KCNIP4: variants seen among roughly 807,000 people sequenced by gnomAD.
KCNIP4 encodes Kv channel-interacting protein 4.
A neutral mutation model predicts 34.0 loss-of-function variants in KCNIP4; 12 were observed. The ratio of observed to expected loss-of-function variants is 0.35; its 90% CI spans 0.23 to 0.57. The LOEUF (loss-of-function observed/expected upper bound fraction) is 0.57, where lower values mean the gene tolerates loss of function less well. Among genes scored for constraint, KCNIP4 ranks in the 20% least tolerant of loss-of-function variants. The pLI is 0.83. For missense variants in KCNIP4, 238 were observed against 311.7 expected, an observed-to-expected ratio of 0.76 and a Z score of 1.78; for synonymous variants, 124 against 102.2, an observed-to-expected ratio of 1.21 and a Z score of -1.29.
intron 1 of KCNIP4, among the ~76,000 whole-genome samples, chr4:21,669,865 A>G (rs1310608442): frequency 6.6e-6 from 1 of 152,176 alleles, no homozygotes; most frequent in Non-Finnish European, 1.5e-5. Context: ...TCTGTTTGAT[A>G]TTACTGAAAA....
Position 20,743,444 on chromosome 4 carries a change from A to G in KCNIP4, c.429+6218T>C, listed in dbSNP as rs532224242. 3.9e-3 allele frequency among the ~76,000 whole-genome samples: 592 copies of G among 152,306 alleles called. 4 individuals are homozygous for G. The highest frequency in any genetic ancestry group is 0.013 in the African/African-American group (521 of 41,568). On this transcript the variant is annotated intron_variant, in intron 5 of 8. Transcript: ENST00000382152. ...GAGATATAGACCAATGGAACAGAAC[A>G]GAGCCCTCGGAAATAATACCACACA...
intron 1 of KCNIP4, among the ~76,000 whole-genome samples, chr4:21,249,302 G>C (rs1261180327): frequency 6.6e-6 from 1 of 152,104 alleles, no homozygotes; most frequent in Non-Finnish European, 1.5e-5. Context: ...AAATCCTATA[G>C]TTTGAAAGGG....
intron 1 of KCNIP4, among the ~76,000 whole-genome samples, chr4:21,150,326 C>G (rs920456391): frequency 2.8e-5 from 4 of 144,782 alleles, no homozygotes; most frequent in African/African-American, 1.2e-4. Flanking sequence ...ATACACTGTA[C>G]CAATGGCTGA....
chr4:21,670,938 G>A (rs913739974), intron 1 of KCNIP4, among the ~76,000 whole-genome samples: 2 of 151,664 alleles, frequency 1.3e-5, no homozygotes, highest in Middle Eastern at 3.4e-3. Context: ...TTACAGGTGT[G>A]AGCCACCGCG....
At chr4:21,614,117 C>A (rs1346252113) in intron 1 of KCNIP4, among the ~76,000 whole-genome samples, 2 of 150,748 alleles carry the variant, frequency 1.3e-5, no homozygotes, top group African/African-American at 4.9e-5. Context: ...TGCACTCCAG[C>A]CTGGGTGAGA....
chr4:21,054,417 G>A (rs569681131), intron 1 of KCNIP4, among the ~76,000 whole-genome samples: 2 of 151,892 alleles, frequency 1.3e-5, no homozygotes, highest in Admixed American at 1.3e-4. Context: ...TACTCAGGAG[G>A]CTGAGACAAG....
chr4:21,612,608 A>G (rs998805805), intron 1 of KCNIP4, among the ~76,000 whole-genome samples: 3 of 152,234 alleles, frequency 2.0e-5, no homozygotes, highest in African/African-American at 7.2e-5. Flanking sequence ...CATACTCTAC[A>G]TTGGCATCTA....
chr4:21,192,083 C>A (rs1187539734), intron 1 of KCNIP4, among the ~76,000 whole-genome samples: 1 of 152,178 alleles, frequency 6.6e-6, no homozygotes, highest in Non-Finnish European at 1.5e-5. Flanking sequence ...GAGACACTTA[C>A]AAGCAGACAT....
intron 1 of KCNIP4, among the ~76,000 whole-genome samples, chr4:21,157,767 A>G (rs1753249628): frequency 6.6e-6 from 1 of 152,204 alleles, no homozygotes; most frequent in Non-Finnish European, 1.5e-5. Context: ...CTTAACAATA[A>G]CATTTAATTA....
At chr4:21,126,053 C>G (rs2874890) in intron 1 of KCNIP4, among the ~76,000 whole-genome samples, 36,456 of 151,870 alleles carry the variant, frequency 0.24, 4,548 homozygotes, top group South Asian at 0.34. Context: ...ATGATTGAGA[C>G]AGGGTATAAA....
chr4:21,683,589 C>A (rs982039692), intron 1 of KCNIP4, among the ~76,000 whole-genome samples: 1 of 150,268 alleles, frequency 6.7e-6, no homozygotes, highest in Non-Finnish European at 1.5e-5. Flanking sequence ...CTGCCTCAGC[C>A]TCCCAAATAG....
intron 1 of KCNIP4, among the ~76,000 whole-genome samples, chr4:21,543,453 A>C (rs1223449400): frequency 2.0e-5 from 3 of 152,090 alleles, no homozygotes; most frequent in Non-Finnish European, 4.4e-5. Flanking sequence ...AAAACTGTGT[A>C]ATCTCTGGAC....
intron 1 of KCNIP4, among the ~76,000 whole-genome samples, chr4:21,183,374 T>C (rs1754985342): frequency 6.6e-6 from 1 of 152,140 alleles, no homozygotes; most frequent in Non-Finnish European, 1.5e-5. Flanking sequence ...TTTGGATATA[T>C]ACCCAGAAGT....
chr4:21,284,354 G>A (rs942178817), intron 1 of KCNIP4, among the ~76,000 whole-genome samples: 7 of 152,192 alleles, frequency 4.6e-5, no homozygotes, highest in Admixed American at 1.3e-4. Flanking sequence ...AAGAGCAGCC[G>A]CCTTTACTGA....
At chr4:21,535,231 T>C (rs1408179291) in intron 1 of KCNIP4, among the ~76,000 whole-genome samples, 1 of 152,212 alleles carries the variant, frequency 6.6e-6, no homozygotes, top group Non-Finnish European at 1.5e-5. Context: ...AAATCTATAA[T>C]TTTAATACTT....
chr4:21,654,768 CA>C (rs1409229092), intron 1 of KCNIP4, among the ~76,000 whole-genome samples: 2 of 151,850 alleles, frequency 1.3e-5, no homozygotes, highest in Non-Finnish European at 2.9e-5. Context: ...CTAAAAAATA[CA>C]AAAAATTAGT....
chr4:20,948,896 A>G (rs1460076513), intron 1 of KCNIP4, among the ~76,000 whole-genome samples: 2 of 152,148 alleles, frequency 1.3e-5, no homozygotes, highest in African/African-American at 4.8e-5. Context: ...TTTTTCTCAC[A>G]AGAAGGAACT....
chr4:21,262,182 A>C (rs1026011838), intron 1 of KCNIP4, among the ~76,000 whole-genome samples: 5 of 151,904 alleles, frequency 3.3e-5, no homozygotes, highest in African/African-American at 1.2e-4. Context: ...CCCTTTCTAC[A>C]CAAGAGTGGA....
rs115699612 is a variant in KCNIP4, at chr4:21,838,714, T to C, written c.61+109857A>G. Reference sequence around the variant, plus strand: ...TTTCTCTTTCACCAGTGTAAAGAAGTATACATTTGTATCTATAGGGAGGTA... The same window carrying C: ...TTTCTCTTTCACCAGTGTAAAGAAGCATACATTTGTATCTATAGGGAGGTA... On this transcript the variant is annotated intron_variant, in intron 1 of 8. Transcript: ENST00000382152. 7.9e-3 allele frequency among the ~76,000 whole-genome samples: 1,197 copies of C among 152,306 alleles called. 16 individuals are homozygous for C. Among genetic ancestry groups the C allele is most frequent in the African/African-American group, 0.027 (1,132 of 41,570 alleles).
Sources: allele counts gnomAD v4.1 joint callset (sites outside exome capture counted in the v4.1 genomes callset), GRCh38; gene constraint gnomAD v4.1.1; transcripts MANE v1.5; gene names NCBI Gene and HGNC (gene_info 2026-07-23, HGNC 2026-07-21).